The following DLG2 variants were observed in gnomAD, a reference collection of about 807,000 sequenced individuals.
The protein encoded by DLG2 is discs large MAGUK scaffold protein 2.
Under a neutral mutation model 132.5 loss-of-function variants are expected in DLG2, and 45 were observed. The observed-to-expected ratio is 0.34, with a 90% CI of 0.27 to 0.44. The LOEUF is 0.44. Among genes scored for constraint, DLG2 ranks in the 20% least tolerant of loss-of-function variants. DLG2 has a pLI of 1.00. For synonymous variants in DLG2, 424 were observed against 419.6 expected, an observed-to-expected ratio of 1.01 and a Z score of -0.13; for missense variants, 1,045 against 1,196.9, an observed-to-expected ratio of 0.87 and a Z score of 1.87.
intron 19 of DLG2, among the ~76,000 whole-genome samples, chr11:83,592,262 T>C (rs1197732021): frequency 1.5e-4 from 22 of 151,024 alleles, no homozygotes; most frequent in African/African-American, 5.3e-4. Context: ...GCTACAGTAA[T>C]CAAAACAGCA....
At chr11:85,157,056 T>C (rs1486113566) in intron 4 of DLG2, among the ~76,000 whole-genome samples, 1 of 152,132 alleles carries the variant, frequency 6.6e-6, no homozygotes. Context: ...CAGCTGCCAG[T>C]GCAGCTAGGA....
At chr11:85,023,598 C>G (rs377193423) in intron 6 of DLG2, among the ~76,000 whole-genome samples, 3 of 151,950 alleles carry the variant, frequency 2.0e-5, no homozygotes, top group African/African-American at 7.2e-5. Context: ...GTTTTCTACT[C>G]TCAAGAAACA....
chr11:84,367,382 C>G (rs2098688422), intron 7 of DLG2, among the ~76,000 whole-genome samples: 1 of 152,006 alleles, frequency 6.6e-6, no homozygotes, highest in Admixed American at 6.6e-5. Context: ...TCCAGTGAAA[C>G]TTTATTTACA....
intron 18 of DLG2, among the ~76,000 whole-genome samples, chr11:83,714,410 G>C (rs1252646536): frequency 6.6e-6 from 1 of 152,152 alleles, no homozygotes; most frequent in Non-Finnish European, 1.5e-5. Context: ...CCATATGGTA[G>C]ATAGTATACC....
At chr11:85,102,219 C>T (rs993603077) in intron 6 of DLG2, among the ~76,000 whole-genome samples, 4 of 152,048 alleles carry the variant, frequency 2.6e-5, no homozygotes, top group African/African-American at 7.2e-5. Flanking sequence ...CCAAAGGAGT[C>T]ATTCTGGCTC....
At chr11:85,206,614 T>C (rs921068744) in intron 4 of DLG2, among the ~76,000 whole-genome samples, 3 of 152,172 alleles carry the variant, frequency 2.0e-5, no homozygotes, top group Admixed American at 6.5e-5. Flanking sequence ...CAAAATAAAA[T>C]GGGAAATCTC....
chr11:83,944,827 C>G (rs1041571102), intron 14 of DLG2, among the ~76,000 whole-genome samples: 16 of 152,158 alleles, frequency 1.1e-4, no homozygotes, highest in African/African-American at 2.7e-4. Context: ...TTGAGGTCAG[C>G]CCAGAATAAC....
intron 7 of DLG2, among the ~76,000 whole-genome samples, chr11:84,465,817 A>T (rs1164061486): frequency 6.6e-6 from 1 of 151,278 alleles, no homozygotes; most frequent in Admixed American, 6.6e-5. Flanking sequence ...GCCTAAATGT[A>T]TACTTAAATC....
chr11:83,616,996 G>T (rs545290550), intron 19 of DLG2, among the ~76,000 whole-genome samples: 1 of 152,020 alleles, frequency 6.6e-6, no homozygotes, highest in Non-Finnish European at 1.5e-5. Context: ...TATTCCATTG[G>T]TCTACTTGTC....
chr11:85,184,467 C>G (rs2079948637), intron 4 of DLG2, among the ~76,000 whole-genome samples: 1 of 151,422 alleles, frequency 6.6e-6, no homozygotes, highest in Non-Finnish European at 1.5e-5. Flanking sequence ...AATAAGCAAA[C>G]CAGTAATGGC....
chr11:83,750,861 G>T (rs187378811), intron 18 of DLG2, among the ~76,000 whole-genome samples: 4 of 152,324 alleles, frequency 2.6e-5, no homozygotes, highest in Admixed American at 2.0e-4. Flanking sequence ...CAGATATGGA[G>T]TAGACAGAGT....
chr11:83,711,466 G>C (rs899333499), intron 18 of DLG2, among the ~76,000 whole-genome samples: 1 of 152,130 alleles, frequency 6.6e-6, no homozygotes, highest in Non-Finnish European at 1.5e-5. Flanking sequence ...GTCGTCATAG[G>C]GCAGGCACCT....
In DLG2 at chr11:84,365,096, T is replaced by C. The variant is rs201931836; in HGVS notation, c.520-113805A>G. 3.5e-3 allele frequency among the ~76,000 whole-genome samples: 527 copies of C among 152,034 alleles called. 15 individuals carry two copies. In the East Asian group the frequency reaches 0.064, roughly 19 times the overall value. ...AGTTTCAGAAGGAATGGTACCAGTT[T>C]CTCCTTGTACCTCTGGTAGAATTCG... On this transcript the variant is annotated intron_variant, in intron 7 of 27. Transcript: ENST00000376104.
At chr11:83,499,787 T>G (rs996354491) in intron 21 of DLG2, among the ~76,000 whole-genome samples, 3 of 141,256 alleles carry the variant, frequency 2.1e-5, no homozygotes, top group African/African-American at 5.2e-5. Context: ...ATATATATAT[T>G]ATATATATAA....
At chr11:85,285,757 G>A (rs1339860959) in intron 3 of DLG2, among the ~76,000 whole-genome samples, 1 of 151,878 alleles carries the variant, frequency 6.6e-6, no homozygotes, top group East Asian at 1.9e-4. Flanking sequence ...CACCTATATA[G>A]CATCTGGAAA....
chr11:83,921,515 C>T (rs1317574989), intron 15 of DLG2, among the ~76,000 whole-genome samples: 1 of 152,136 alleles, frequency 6.6e-6, no homozygotes, highest in Non-Finnish European at 1.5e-5. Flanking sequence ...TATAAAACTT[C>T]TGGAATAGCG....
intron 3 of DLG2, among the ~76,000 whole-genome samples, chr11:85,513,417 C>G (rs2094116092): frequency 6.6e-6 from 1 of 151,916 alleles, no homozygotes; most frequent in Non-Finnish European, 1.5e-5. Flanking sequence ...TTTTAAAAAT[C>G]AAGCCAGATT....
In DLG2 at chr11:84,300,378, C is replaced by A. The variant is rs183831944; in HGVS notation, c.520-49087G>T. ...AGGGTGAAAAAAAAAGAACATTCAG[C>A]TCTTTTCCTTCCAGAGAACAGACAC... On this transcript the variant is annotated intron_variant, in intron 7 of 27. Transcript: ENST00000376104. Among the ~76,000 whole-genome samples the A allele has an allele frequency of 4.7e-4, 71 of 152,266 alleles. 1 individual carries two copies. Among genetic ancestry groups the A allele is most frequent in the African/African-American group, 1.7e-3 (69 of 41,542 alleles).
chr11:85,465,913 G>C (rs1406186228), intron 3 of DLG2, among the ~76,000 whole-genome samples: 1 of 152,032 alleles, frequency 6.6e-6, no homozygotes, highest in Non-Finnish European at 1.5e-5. Context: ...CTAGTTTACA[G>C]TCCCACCAAC....
Sources: allele counts gnomAD v4.1 joint callset (sites outside exome capture counted in the v4.1 genomes callset), GRCh38; gene constraint gnomAD v4.1.1; transcripts MANE v1.5; gene names NCBI Gene and HGNC (gene_info 2026-07-23, HGNC 2026-07-21).